The following NRG3 variants were observed in gnomAD, a reference collection of about 807,000 sequenced individuals.
The protein encoded by NRG3 is pro-neuregulin-3, membrane-bound isoform.
NRG3 carries 31 observed loss-of-function variants against 66.9 expected under a neutral mutation model. The observed-to-expected ratio is 0.46, with a 90% CI of 0.35 to 0.63. The LOEUF (loss-of-function observed/expected upper bound fraction) is 0.63, where lower values mean the gene tolerates loss of function less well. Ranked by LOEUF, NRG3 falls within the 20% of genes least tolerant of loss-of-function variation. NRG3 has a pLI of 0.00. For missense variants in NRG3, 910 were observed against 878.9 expected, an observed-to-expected ratio of 1.04 and a Z score of -0.45; for synonymous variants, 393 against 359.4, an observed-to-expected ratio of 1.09 and a Z score of -1.06.
chr10:82,948,471 A>G (rs1849225570), intron 4 of NRG3, among the ~76,000 whole-genome samples: 1 of 152,102 alleles, frequency 6.6e-6, no homozygotes, highest in African/African-American at 2.4e-5. Context: ...CAACAAAAAC[A>G]AAAATGCTTC....
At chr10:82,383,134 T>G (rs895513430) in intron 2 of NRG3, among the ~76,000 whole-genome samples, 4 of 152,012 alleles carry the variant, frequency 2.6e-5, no homozygotes, top group Admixed American at 1.3e-4. Flanking sequence ...TTAAATGAAT[T>G]TTCCAATAAA....
chr10:82,919,917 G>T (rs1256611671), intron 4 of NRG3, among the ~76,000 whole-genome samples: 1 of 149,670 alleles, frequency 6.7e-6, no homozygotes, highest in Non-Finnish European at 1.5e-5. Context: ...ATGATAGTGA[G>T]AATGAAAAAA....
Position 81,881,906 on chromosome 10 carries a change from A to G in NRG3, c.823+5743A>G, listed in dbSNP as rs143710060. Among the ~76,000 whole-genome samples, 503 of 152,174 alleles carry G rather than the reference A, an allele frequency of 3.3e-3. 13 individuals are homozygous for G. Among genetic ancestry groups the G allele is most frequent in the Admixed American group, 0.03 (453 of 15,284 alleles). On this transcript the variant is annotated intron_variant, in intron 1 of 8. Coordinates refer to ENST00000372141, the MANE Select transcript of NRG3 (RefSeq NM_001010848.4). Reference sequence around the variant, plus strand: ...ATGCAGATTCTTTATAAATACAATAATAAACCCTTGCCCTGGGAATCTCTT... The same window carrying G: ...ATGCAGATTCTTTATAAATACAATAGTAAACCCTTGCCCTGGGAATCTCTT...
At chr10:82,868,678 T>G (rs1840999645) in intron 4 of NRG3, among the ~76,000 whole-genome samples, 1 of 152,160 alleles carries the variant, frequency 6.6e-6, no homozygotes, top group Non-Finnish European at 1.5e-5. Flanking sequence ...GAGAACAATA[T>G]TCTCAGATTT....
intron 4 of NRG3, among the ~76,000 whole-genome samples, chr10:82,893,799 G>T (rs956655374): frequency 6.6e-6 from 1 of 151,982 alleles, no homozygotes; most frequent in African/African-American, 2.4e-5. Context: ...TATTAGAAAA[G>T]ACAAATGGCT....
intron 1 of NRG3, among the ~76,000 whole-genome samples, chr10:82,322,683 C>A (rs1280127000): frequency 1.3e-5 from 2 of 152,060 alleles, no homozygotes; most frequent in African/African-American, 4.8e-5. Context: ...AGTTATTAAT[C>A]TTTGAGAATC....
chr10:82,600,854 G>A (rs1425356172), intron 2 of NRG3, among the ~76,000 whole-genome samples: 1 of 151,984 alleles, frequency 6.6e-6, no homozygotes. Context: ...ATAATTGTGT[G>A]ACACTGAGGT....
chr10:82,968,622 A>G (rs1005418722), intron 6 of NRG3, among the ~76,000 whole-genome samples: 1 of 145,618 alleles, frequency 6.9e-6, no homozygotes, highest in Admixed American at 6.8e-5. Context: ...CAAAAGATGA[A>G]TTAGGCTTTT....
intron 1 of NRG3, among the ~76,000 whole-genome samples, chr10:81,981,606 C>T (rs2060335082): frequency 1.3e-5 from 2 of 152,152 alleles, no homozygotes; most frequent in Non-Finnish European, 2.9e-5. Flanking sequence ...AGGAGGTGCC[C>T]CTCATTCTGA....
chr10:82,323,246 C>A (rs1399473081), intron 1 of NRG3, among the ~76,000 whole-genome samples: 1 of 152,174 alleles, frequency 6.6e-6, no homozygotes, highest in Non-Finnish European at 1.5e-5. Flanking sequence ...TTTTATCATG[C>A]TGTGATAAAC....
At chr10:82,128,157 G>A (rs1161236351) in intron 1 of NRG3, among the ~76,000 whole-genome samples, 1 of 151,766 alleles carries the variant, frequency 6.6e-6, no homozygotes, top group Non-Finnish European at 1.5e-5. Flanking sequence ...AATGTGTGCT[G>A]GGACACATTT....
At chr10:82,016,866 G>A (rs1564740320) in intron 1 of NRG3, among the ~76,000 whole-genome samples, 1 of 152,192 alleles carries the variant, frequency 6.6e-6, no homozygotes, top group East Asian at 1.9e-4. Context: ...GAATCAAGCA[G>A]GAAATGCAAA....
intron 1 of NRG3, among the ~76,000 whole-genome samples, chr10:82,166,392 T>C (rs1367839874): frequency 6.6e-6 from 1 of 152,184 alleles, no homozygotes; most frequent in Non-Finnish European, 1.5e-5. Flanking sequence ...CTTTGTATTT[T>C]AGTAGCTGTT....
rs139651526 is a variant in NRG3, at chr10:82,643,169, T to A, written c.954-95408T>A. On this transcript the variant is annotated intron_variant, in intron 2 of 8. Coordinates refer to ENST00000372141, the MANE Select transcript of NRG3 (RefSeq NM_001010848.4). Reference sequence around the variant, plus strand: ...GCTCTGTGTCCCCATCCAAATCTCATCTTGTAGCTCCCATAATTCCCACAT... The same window carrying A: ...GCTCTGTGTCCCCATCCAAATCTCAACTTGTAGCTCCCATAATTCCCACAT... Among the ~76,000 whole-genome samples, 735 of 152,266 alleles carry A rather than the reference T, an allele frequency of 4.8e-3. 4 individuals carry two copies. Among genetic ancestry groups the A allele is most frequent in the African/African-American group, 0.017 (698 of 41,560 alleles).
At chr10:82,497,015 C>G (rs1270167606) in intron 2 of NRG3, among the ~76,000 whole-genome samples, 2 of 152,050 alleles carry the variant, frequency 1.3e-5, no homozygotes, top group Non-Finnish European at 2.9e-5. Context: ...TGCTGTCTCT[C>G]TCAGTTACAG....
intron 2 of NRG3, among the ~76,000 whole-genome samples, chr10:82,644,878 A>T (rs2050830668): frequency 6.6e-6 from 1 of 152,180 alleles, no homozygotes; most frequent in Admixed American, 6.6e-5. Context: ...AACAGGATGA[A>T]GCCATGGGTT....
chr10:82,636,729 G>T (rs1418580276), intron 2 of NRG3, among the ~76,000 whole-genome samples: 1 of 152,022 alleles, frequency 6.6e-6, no homozygotes, highest in South Asian at 2.1e-4. Context: ...ATCTTTATGA[G>T]GTGGTGATTT....
chr10:81,929,701 C>G (rs1172006824), intron 1 of NRG3, among the ~76,000 whole-genome samples: 2 of 152,190 alleles, frequency 1.3e-5, no homozygotes, highest in Non-Finnish European at 2.9e-5. Flanking sequence ...CTCTTTCACT[C>G]TCATTGCACT....
intron 3 of NRG3, among the ~76,000 whole-genome samples, chr10:82,815,160 A>T (rs997907952): frequency 3.9e-5 from 6 of 152,226 alleles, no homozygotes; most frequent in African/African-American, 1.4e-4. Flanking sequence ...ATAATTTTTT[A>T]AAATTTGCTA....
Sources: gnomAD v4.1 joint callset for allele counts (sites outside exome capture counted in the v4.1 genomes callset) on GRCh38, gnomAD v4.1.1 for gene constraint, MANE v1.5 for transcripts, NCBI Gene and HGNC (gene_info 2026-07-23, HGNC 2026-07-21) for gene names.